The following LINGO2 variants were observed in gnomAD, a reference collection of about 807,000 sequenced individuals.
LINGO2 encodes leucine-rich repeat and immunoglobulin-like domain-containing nogo receptor-interacting protein 2.
In LINGO2, 14 loss-of-function variants were observed where a neutral mutation model predicts 30.6. That is an observed-to-expected ratio of 0.46 (90% CI 0.30 to 0.72). The LOEUF is 0.72. Among genes scored for constraint, LINGO2 ranks in the 30% least tolerant of loss-of-function variants. The probability of loss-of-function intolerance (pLI) is 0.07; values close to 1 mark genes in which losing one functional copy is unlikely to be tolerated. For synonymous variants in LINGO2, 317 were observed against 288.5 expected (o/e 1.10, Z -1.00); for missense variants, 729 against 751.7 (o/e 0.97, Z 0.35).
At chr9:29,126,630 G>T in the LINGO2 span, among the ~76,000 whole-genome samples, 1 of 151,960 alleles carries the variant, frequency 6.6e-6, no homozygotes, top group East Asian at 1.9e-4. Context: ...ATGTTTTCAT[G>T]ATTTATGTAG....
At chr9:29,061,801 G>A in the LINGO2 span, among the ~76,000 whole-genome samples, 9 of 151,844 alleles carry the variant, frequency 5.9e-5, no homozygotes, top group African/African-American at 2.2e-4. Flanking sequence ...CAAAAGCACA[G>A]GCAATAAAAC....
the LINGO2 span, among the ~76,000 whole-genome samples, chr9:28,686,317 C>A: frequency 6.6e-6 from 1 of 152,046 alleles, no homozygotes; most frequent in East Asian, 1.9e-4. Context: ...ACTGATATTT[C>A]ATATGCCCAA....
intron 2 of LINGO2, among the ~76,000 whole-genome samples, chr9:28,452,728 G>A (rs1824696972): frequency 6.6e-6 from 1 of 151,812 alleles, no homozygotes; most frequent in Non-Finnish European, 1.5e-5. Flanking sequence ...GCTGGGTCTG[G>A]AAGAATTAGT....
At chr9:28,724,975 G>A in the LINGO2 span, among the ~76,000 whole-genome samples, 1 of 151,882 alleles carries the variant, frequency 6.6e-6, no homozygotes, top group Non-Finnish European at 1.5e-5. Context: ...AAAACAGCTT[G>A]AATGCACCTA....
At chr9:28,403,674 G>C (rs1822370389) in intron 2 of LINGO2, among the ~76,000 whole-genome samples, 1 of 146,602 alleles carries the variant, frequency 6.8e-6, no homozygotes, top group Non-Finnish European at 1.5e-5. Context: ...TTTTTTCAAA[G>C]GATGACCTCA....
chr9:28,997,979 C>A, the LINGO2 span, among the ~76,000 whole-genome samples: 1 of 152,138 alleles, frequency 6.6e-6, no homozygotes, highest in Non-Finnish European at 1.5e-5. Context: ...GCTGTTATTA[C>A]CAGACTTTAC....
At chr9:29,007,776 T>C in the LINGO2 span, among the ~76,000 whole-genome samples, 2 of 152,082 alleles carry the variant, frequency 1.3e-5, no homozygotes, top group African/African-American at 4.8e-5. Context: ...ACTATGGACA[T>C]GTTTAGTTTG....
the LINGO2 span, among the ~76,000 whole-genome samples, chr9:28,962,452 T>C: frequency 6.6e-6 from 1 of 152,126 alleles, no homozygotes. Flanking sequence ...TTTTAAATGT[T>C]CTTGAAGTAT....
At chr9:28,628,699 C>T (rs1482597696) in intron 1 of LINGO2, among the ~76,000 whole-genome samples, 1 of 152,074 alleles carries the variant, frequency 6.6e-6, no homozygotes, top group Non-Finnish European at 1.5e-5. Context: ...GGTACCTAGT[C>T]TCTTGATTTC....
chr9:28,391,573 T>C lies in LINGO2; in HGVS notation c.-278-18705A>G, dbSNP rs1180185935. Among the ~76,000 whole-genome samples the C allele has an allele frequency of 2.0e-5, 3 of 150,710 alleles. No homozygotes were observed. In the East Asian group the frequency reaches 6.0e-4, roughly 30 times the overall value. ...GTCTTGTCCTTGATTTTCCCCTTTT[T>C]CCTTCTTTTCACAATTTGTATTTAT... On this transcript the variant is annotated intron_variant, in intron 2 of 5. Coordinates refer to ENST00000379992, the Ensembl canonical transcript of LINGO2.
At chr9:29,200,790 T>C in the LINGO2 span, among the ~76,000 whole-genome samples, 1 of 152,140 alleles carries the variant, frequency 6.6e-6, no homozygotes, top group Admixed American at 6.6e-5. Flanking sequence ...TTAGTTGTCA[T>C]ATATCCTTAG....
the LINGO2 span, among the ~76,000 whole-genome samples, chr9:28,733,897 T>C: frequency 6.6e-6 from 1 of 152,058 alleles, no homozygotes; most frequent in African/African-American, 2.4e-5. Flanking sequence ...CCCTAAGTAC[T>C]ATCACTAAGT....
chr9:28,831,593 G>A, the LINGO2 span, among the ~76,000 whole-genome samples: 2 of 152,004 alleles, frequency 1.3e-5, no homozygotes, highest in Admixed American at 6.6e-5. Flanking sequence ...TGATAAATGT[G>A]GATTGGTGTA....
intron 4 of LINGO2, among the ~76,000 whole-genome samples, chr9:28,050,310 A>G (rs1824613275): frequency 6.6e-6 from 1 of 150,808 alleles, no homozygotes; most frequent in Non-Finnish European, 1.5e-5. Flanking sequence ...GCTGGTAGGG[A>G]AGACAACCAA....
intron 1 of LINGO2, among the ~76,000 whole-genome samples, chr9:28,544,539 T>C (rs1049575722): frequency 2.0e-5 from 3 of 152,058 alleles, no homozygotes. Flanking sequence ...ACAAAAACAA[T>C]TGCATTTGCA....
At chr9:28,843,755 T>C in the LINGO2 span, among the ~76,000 whole-genome samples, 2 of 151,838 alleles carry the variant, frequency 1.3e-5, no homozygotes, top group African/African-American at 2.4e-5. Context: ...TTTGTTATCA[T>C]TGTATTCAAC....
intron 4 of LINGO2, among the ~76,000 whole-genome samples, chr9:28,160,510 A>G (rs959927262): frequency 1.3e-5 from 2 of 152,192 alleles, no homozygotes; most frequent in Non-Finnish European, 2.9e-5. Flanking sequence ...ATCAACTCAC[A>G]TGTCCAGACT....
the LINGO2 span, among the ~76,000 whole-genome samples, chr9:29,036,166 C>T: frequency 6.6e-6 from 1 of 152,014 alleles, no homozygotes; most frequent in Admixed American, 6.6e-5. Flanking sequence ...ACTTACACTA[C>T]GAGTTCAAAA....
chr9:28,534,418 G>T lies in LINGO2; in HGVS notation c.-364-58393C>A, dbSNP rs556575382. Among the ~76,000 whole-genome samples, 4 of 152,244 alleles carry T rather than the reference G, an allele frequency of 2.6e-5. No individual in the cohort carries two copies. In the South Asian group the frequency reaches 6.2e-4, roughly 24 times the overall value. On this transcript the variant is annotated intron_variant, in intron 1 of 5. Coordinates refer to ENST00000379992, the Ensembl canonical transcript of LINGO2. ...CTGTTTTTACTGAAAACACATTGGG[G>T]TCATTCCCAGGAGTACATTTGGATC... is the stretch of plus-strand genomic sequence containing the variant.
Sources: allele counts gnomAD v4.1 joint callset (sites outside exome capture counted in the v4.1 genomes callset), GRCh38; gene constraint gnomAD v4.1.1; transcripts MANE v1.5; gene names NCBI Gene and HGNC (gene_info 2026-07-23, HGNC 2026-07-21).